The following PRKCB variants were observed in gnomAD, a reference collection of about 807,000 sequenced individuals.
The protein encoded by PRKCB is protein kinase C beta.
A neutral mutation model predicts 81.5 loss-of-function variants in PRKCB; 13 were observed. The ratio of observed to expected loss-of-function variants is 0.16; its 90% CI spans 0.10 to 0.25. PRKCB has a LOEUF of 0.25. Ranked by LOEUF, PRKCB falls within the 10% of genes least tolerant of loss-of-function variation. PRKCB has a pLI of 1.00. For synonymous variants in PRKCB, 335 were observed against 321.4 expected (o/e 1.04, Z -0.45); for missense variants, 509 against 875.7 (o/e 0.58, Z 5.29).
chr16:24,135,312 T>TTTTC (rs1966861231), intron 9 of PRKCB, among the ~76,000 whole-genome samples: 1 of 144,192 alleles, frequency 6.9e-6, no homozygotes, highest in African/African-American at 2.6e-5. Context: ...CAGTGTCCCT[T>TTTTC]TTTTTTTTTT....
chr16:23,942,563 T>C (rs1964152675), intron 2 of PRKCB, among the ~76,000 whole-genome samples: 1 of 152,238 alleles, frequency 6.6e-6, no homozygotes, highest in South Asian at 2.1e-4. Context: ...TCTACTTTTC[T>C]AAGTTTGTTT....
chr16:24,087,775 C>A (rs1028408411), intron 5 of PRKCB, among the ~76,000 whole-genome samples: 1 of 152,164 alleles, frequency 6.6e-6, no homozygotes, highest in African/African-American at 2.4e-5. Context: ...AGTTAACATG[C>A]ATGCTATCTT....
At chr16:23,902,699 T>G (rs1043269339) in intron 2 of PRKCB, among the ~76,000 whole-genome samples, 1 of 151,954 alleles carries the variant, frequency 6.6e-6, no homozygotes, top group Non-Finnish European at 1.5e-5. Flanking sequence ...GTTCAGGAAC[T>G]GAGCTCAAAA....
chr16:24,155,778 T>C (rs930688737), intron 10 of PRKCB, among the ~76,000 whole-genome samples: 8 of 152,252 alleles, frequency 5.3e-5, no homozygotes, highest in African/African-American at 1.4e-4. Context: ...TCTGTTCTAT[T>C]ATCTGCTGAA....
intron 3 of PRKCB, 54 bp downstream of exon 3, chr16:23,988,644 G>A: frequency 2.0e-6 from 3 of 1,479,624 alleles, no homozygotes; most frequent in East Asian, 2.3e-5. Context: ...GCTGCCTTGT[G>A]ATTAAATGTG....
chr16:23,956,477 G>A (rs984984821), intron 2 of PRKCB, among the ~76,000 whole-genome samples: 2 of 152,074 alleles, frequency 1.3e-5, no homozygotes, highest in East Asian at 1.9e-4. Flanking sequence ...TAGGCATTTG[G>A]ATTATTTCCA....
At chr16:24,133,382 C>A (rs1349339120) in intron 9 of PRKCB, among the ~76,000 whole-genome samples, 7 of 152,156 alleles carry the variant, frequency 4.6e-5, no homozygotes, top group Admixed American at 4.6e-4. Flanking sequence ...CTCATTGGAA[C>A]CGTGAGTCAT....
At chr16:24,021,247 CTTCTTCCT>C (rs1207207911) in intron 3 of PRKCB, among the ~76,000 whole-genome samples, 7 of 94,996 alleles carry the variant, frequency 7.4e-5, no homozygotes, top group African/African-American at 3.0e-4. Flanking sequence ...TCCTTCCTTC[CTTCTTCCT>C]TTCTTCCTTT....
chr16:23,973,609 A>G (rs1596493262), intron 2 of PRKCB, among the ~76,000 whole-genome samples: 1 of 152,250 alleles, frequency 6.6e-6, no homozygotes, highest in African/African-American at 2.4e-5. Context: ...AAATGGGAAC[A>G]TACAGTGAGC....
intron 2 of PRKCB, among the ~76,000 whole-genome samples, chr16:23,982,605 A>T (rs1964753149): frequency 6.6e-6 from 1 of 151,556 alleles, no homozygotes; most frequent in Non-Finnish European, 1.5e-5. Context: ...AATTTTAAAA[A>T]TTTTTTAGAG....
At chr16:24,174,222 C>T in intron 11 of PRKCB, 1 of 286,140 alleles carries the variant, frequency 3.5e-6, no homozygotes, top group Non-Finnish European at 6.5e-6. Flanking sequence ...ACTATGTTGC[C>T]CAGCTAGTGA....
intron 2 of PRKCB, among the ~76,000 whole-genome samples, chr16:23,879,482 CTTTTTTTTTTTTTTTTTT>C (rs546638229): frequency 1.2e-5 from 1 of 83,196 alleles, no homozygotes. Flanking sequence ...TTTAGCTATC[CTTTTTTTTTTTTTTTTTT>C]TTTTTTTTTT....
chr16:24,131,824 G>A (rs1480328213), intron 9 of PRKCB, among the ~76,000 whole-genome samples: 1 of 152,096 alleles, frequency 6.6e-6, no homozygotes, highest in African/African-American at 2.4e-5. Flanking sequence ...ACCACATTTG[G>A]TGAAAAACTG....
intron 9 of PRKCB, among the ~76,000 whole-genome samples, chr16:24,149,181 G>A (rs1967038420): frequency 6.6e-6 from 1 of 152,202 alleles, no homozygotes; most frequent in Non-Finnish European, 1.5e-5. Context: ...AGAAGCTACA[G>A]CCTCAGAAGT....
intron 2 of PRKCB, among the ~76,000 whole-genome samples, chr16:23,985,425 C>T (rs1287004384): frequency 6.6e-6 from 1 of 152,024 alleles, no homozygotes; most frequent in African/African-American, 2.4e-5. Context: ...AAACAATGAC[C>T]AGTTGGGAAA....
chr16:24,156,766 A>T (rs1475522909), intron 10 of PRKCB, among the ~76,000 whole-genome samples: 2 of 152,188 alleles, frequency 1.3e-5, no homozygotes, highest in Admixed American at 1.3e-4. Context: ...TCAAGTGGTG[A>T]TAGAGACAAG....
intron 13 of PRKCB, among the ~76,000 whole-genome samples, chr16:24,181,785 A>AAAAAAAAAAAAAAAAAAG (rs1567404410): frequency 3.3e-5 from 5 of 149,906 alleles, no homozygotes; most frequent in African/African-American, 1.2e-4. Context: ...AAAAAAAAAA[A>AAAAAAAAAAAAAAAAAAG]AAAAAAGAAG....
intron 2 of PRKCB, among the ~76,000 whole-genome samples, chr16:23,860,071 A>G (rs1288340336): frequency 6.6e-6 from 1 of 152,138 alleles, no homozygotes; most frequent in Non-Finnish European, 1.5e-5. Flanking sequence ...AAAAAGAGGA[A>G]TTAGACAGAC....
chr16:23,919,551 T>A (rs1345547379), intron 2 of PRKCB, among the ~76,000 whole-genome samples: 8 of 152,228 alleles, frequency 5.3e-5, no homozygotes, highest in Admixed American at 2.0e-4. Context: ...ATGCTATCAT[T>A]GCAGATGCCA....
Sources: gnomAD v4.1 joint callset for allele counts (sites outside exome capture counted in the v4.1 genomes callset) on GRCh38, gnomAD v4.1.1 for gene constraint, MANE v1.5 for transcripts, NCBI Gene and HGNC (gene_info 2026-07-23, HGNC 2026-07-21) for gene names.